Variants in GPC5 observed in about 807,000 individuals in gnomAD.
The protein encoded by GPC5 is glypican 5.
In GPC5, 47 loss-of-function variants were observed where a neutral mutation model predicts 53.9. The ratio of observed to expected loss-of-function variants is 0.87; its 90% CI spans 0.69 to 1.11. GPC5 has a LOEUF of 1.11. GPC5 is among the 50% of genes most tolerant of loss of function. The probability of loss-of-function intolerance (pLI) is 0.00; values close to 1 mark genes in which losing one functional copy is unlikely to be tolerated. For synonymous variants in GPC5, 286 were observed against 263.3 expected, an observed-to-expected ratio of 1.09 and a Z score of -0.84; for missense variants, 748 against 713.1, an observed-to-expected ratio of 1.05 and a Z score of -0.56.
chr13:92,511,443 T>A (rs1351858807), intron 7 of GPC5, among the ~76,000 whole-genome samples: 1 of 152,232 alleles, frequency 6.6e-6, no homozygotes, highest in African/African-American at 2.4e-5. Context: ...GTCATACTTG[T>A]AATTACTTTA....
At chr13:91,587,153 G>A (rs1387728770) in intron 2 of GPC5, among the ~76,000 whole-genome samples, 1 of 151,958 alleles carries the variant, frequency 6.6e-6, no homozygotes. Flanking sequence ...TTTCTGGGTG[G>A]TATACTTATG....
intron 1 of GPC5, among the ~76,000 whole-genome samples, chr13:91,438,068 A>AT (rs1172363343): frequency 6.6e-6 from 1 of 151,562 alleles, no homozygotes; most frequent in Non-Finnish European, 1.5e-5. Flanking sequence ...CATTCGTCTA[A>AT]TTTTTTTTCA....
chr13:92,601,658 T>A (rs964098888), intron 7 of GPC5, among the ~76,000 whole-genome samples: 7 of 151,928 alleles, frequency 4.6e-5, no homozygotes. Flanking sequence ...AGTGTGTGTG[T>A]GTTTAATAAA....
At chr13:91,593,127 C>A (rs2032865374) in intron 2 of GPC5, among the ~76,000 whole-genome samples, 1 of 152,210 alleles carries the variant, frequency 6.6e-6, no homozygotes. Context: ...CCCAGAGGTT[C>A]ATCGCAAGGG....
At chr13:91,702,145 G>A (rs1292003496) in intron 3 of GPC5, among the ~76,000 whole-genome samples, 4 of 151,984 alleles carry the variant, frequency 2.6e-5, no homozygotes, top group African/African-American at 4.8e-5. Context: ...AAGGTTATTT[G>A]TTTTATTGTT....
intron 7 of GPC5, among the ~76,000 whole-genome samples, chr13:92,568,223 C>T (rs1396229493): frequency 6.6e-6 from 1 of 152,026 alleles, no homozygotes; most frequent in Admixed American, 6.6e-5. Flanking sequence ...TAATATTTTG[C>T]CTATTAAAAT....
intron 2 of GPC5, among the ~76,000 whole-genome samples, chr13:91,559,873 A>G (rs1442148166): frequency 1.3e-5 from 2 of 152,280 alleles, no homozygotes; most frequent in South Asian, 2.1e-4. Flanking sequence ...GGTACAGACT[A>G]TAACCCAGGG....
chr13:91,565,088 C>G (rs538184701), intron 2 of GPC5, among the ~76,000 whole-genome samples: 19 of 151,764 alleles, frequency 1.3e-4, no homozygotes, highest in Admixed American at 1.1e-3. Context: ...CTCCTGGGTT[C>G]AAGCAATTCT....
At chr13:91,633,686 C>T (rs1056641079) in intron 2 of GPC5, among the ~76,000 whole-genome samples, 1 of 152,134 alleles carries the variant, frequency 6.6e-6, no homozygotes, top group Non-Finnish European at 1.5e-5. Flanking sequence ...GATATTTGGA[C>T]TTCCAATTTA....
At chr13:92,097,628 G>A (rs1026554000) in intron 6 of GPC5, among the ~76,000 whole-genome samples, 1 of 152,188 alleles carries the variant, frequency 6.6e-6, no homozygotes, top group African/African-American at 2.4e-5. Context: ...CTCTACTGGA[G>A]AGAAGCGAGA....
At chr13:92,488,635 T>A (rs2139443483) in intron 7 of GPC5, among the ~76,000 whole-genome samples, 1 of 152,280 alleles carries the variant, frequency 6.6e-6, no homozygotes, top group African/African-American at 2.4e-5. Flanking sequence ...AAGGCAGAAT[T>A]CATTCAAAGC....
At chr13:92,678,116 T>A (rs758150156) in intron 7 of GPC5, among the ~76,000 whole-genome samples, 11 of 152,206 alleles carry the variant, frequency 7.2e-5, no homozygotes, top group Non-Finnish European at 5.9e-5. Flanking sequence ...TATAATTCTT[T>A]TATTCAACAA....
At chr13:91,429,910 A>G (rs527707000) in intron 1 of GPC5, among the ~76,000 whole-genome samples, 2 of 152,332 alleles carry the variant, frequency 1.3e-5, no homozygotes, top group African/African-American at 4.8e-5. Context: ...GCAAGGATAC[A>G]TGGAAGAGCT....
At chr13:92,700,657 G>GT (rs2139248923) in intron 7 of GPC5, among the ~76,000 whole-genome samples, 1 of 152,104 alleles carries the variant, frequency 6.6e-6, no homozygotes, top group African/African-American at 2.4e-5. Flanking sequence ...CTATGAATGT[G>GT]TTGAATTAAC....
At chr13:92,569,438 G>A (rs1040952813) in intron 7 of GPC5, among the ~76,000 whole-genome samples, 7 of 151,870 alleles carry the variant, frequency 4.6e-5, no homozygotes, top group Non-Finnish European at 7.4e-5. Flanking sequence ...ATGGCGTGCC[G>A]GGATCTAATT....
At chr13:91,508,695 TAC>T (rs1172455646) in intron 2 of GPC5, among the ~76,000 whole-genome samples, 2 of 152,204 alleles carry the variant, frequency 1.3e-5, no homozygotes, top group Non-Finnish European at 2.9e-5. Flanking sequence ...ACAAATATGC[TAC>T]AGACAACTGA....
At chr13:92,135,234 A>G (rs2041774418) in intron 6 of GPC5, among the ~76,000 whole-genome samples, 1 of 151,928 alleles carries the variant, frequency 6.6e-6, no homozygotes, top group Admixed American at 6.6e-5. Flanking sequence ...TTGCTTTTTC[A>G]CAAATTTTTT....
chr13:92,115,786 AT>A (rs1229648268), intron 6 of GPC5, among the ~76,000 whole-genome samples: 1 of 152,144 alleles, frequency 6.6e-6, no homozygotes, highest in East Asian at 1.9e-4. Flanking sequence ...TTTCCAGGCT[AT>A]GGGCTGATTG....
chr13:92,707,455 G>T (rs555595898), intron 7 of GPC5, among the ~76,000 whole-genome samples: 1 of 151,828 alleles, frequency 6.6e-6, no homozygotes. Context: ...TGTTTCCAAC[G>T]GCCCTTGACT....
Sources: allele counts gnomAD v4.1 joint callset (sites outside exome capture counted in the v4.1 genomes callset), GRCh38; gene constraint gnomAD v4.1.1; transcripts MANE v1.5; gene names NCBI Gene and HGNC (gene_info 2026-07-23, HGNC 2026-07-21).